Variants in ITGA4 observed in about 807,000 individuals in gnomAD.
The protein encoded by ITGA4 is integrin alpha-4.
A neutral mutation model predicts 133.6 loss-of-function variants in ITGA4; 63 were observed. The ratio of observed to expected loss-of-function variants is 0.47; its 90% CI spans 0.38 to 0.58. ITGA4 has a LOEUF of 0.58. ITGA4 is among the 20% of genes least tolerant of loss of function. ITGA4 has a pLI of 0.00. For synonymous variants in ITGA4, 483 were observed against 438.0 expected (o/e 1.10, Z -1.28); for missense variants, 1,076 against 1,252.7 (o/e 0.86, Z 2.13).
In ITGA4 at chr2:181,535,293, G is replaced by C. The variant is rs1425537614; in HGVS notation, c.3004-139G>C. Reference sequence around the variant, plus strand: ...CCACTAATTTTTACTGATTACCTCTGTTAAACCTTTATGACTGATGTTACA... The same window carrying C: ...CCACTAATTTTTACTGATTACCTCTCTTAAACCTTTATGACTGATGTTACA... On this transcript the variant is annotated intron_variant, in intron 27 of 27. Coordinates refer to ENST00000397033, the MANE Select transcript of ITGA4 (RefSeq NM_000885.6). 5 of 685,812 alleles carry C rather than the reference G, an allele frequency of 7.3e-6. No individual in the cohort carries two copies. The East Asian group carries it at 1.4e-4, about 20-fold the overall frequency. The allele number at this position is 685,812 out of a possible 1,614,324, so 42.5% of individuals were successfully genotyped here. A position where few individuals can be genotyped will look rare whatever the true frequency, so the allele number is the denominator to read the frequency against.
chr2:181,536,319 G>T lies in ITGA4; in HGVS notation c.*792G>T, dbSNP rs1473786619. 6.6e-6 allele frequency: 1 copy of T among 151,992 alleles called. No homozygotes were observed. The highest frequency in any genetic ancestry group is 2.4e-5 in the African/African-American group (1 of 41,480). The allele number at this position is 151,992 out of a possible 1,614,324, so 9.4% of individuals were successfully genotyped here. A position where few individuals can be genotyped will look rare whatever the true frequency, so the allele number is the denominator to read the frequency against. On this transcript the variant is annotated 3_prime_UTR_variant, in exon 28 of 28. Transcript: ENST00000397033. ...AACACACCTTTATCAAGCATACCCA[G>T]GAGTAATCTTCAAATCTTTTGTTAT...
At position 181,522,844 on chromosome 2, in the gene ITGA4, G is replaced by A. The variant is rs142624011; in HGVS notation, c.2073+503G>A. The stretch of plus-strand genomic sequence containing the variant: ...CTGTTACCTTCTTTCTCTAGTGTTT[G>A]CGCTACTTGCAAAAGTAACAGTGGA... On this transcript the variant is annotated intron_variant, in intron 18 of 27. Coordinates refer to ENST00000397033, the MANE Select transcript of ITGA4 (RefSeq NM_000885.6). 1.1e-4 allele frequency among the ~76,000 whole-genome samples: 16 copies of A among 152,200 alleles called. No homozygotes were observed. The East Asian group carries it at 2.9e-3, about 28-fold the overall frequency.
chr2:181,535,619 T>C lies in ITGA4; in HGVS notation c.*92T>C, dbSNP rs200219182. The C allele has an allele frequency of 6.9e-7, 1 of 1,453,138 alleles. No homozygotes were observed. Among genetic ancestry groups the C allele is most frequent in the Non-Finnish European group, 9.2e-7 (1 of 1,091,746 alleles). The allele number at this position is 1,453,138 out of a possible 1,614,324, so 90.0% of individuals were successfully genotyped here. ...TGTTTACAAGAAAAAATGAATTTTG[T>C]TTGGACTTCTTTTACTCATGATCTT... On this transcript the variant is annotated 3_prime_UTR_variant, in exon 28 of 28. Coordinates refer to ENST00000397033, the MANE Select transcript of ITGA4 (RefSeq NM_000885.6).
In ITGA4 at chr2:181,482,641, A is replaced by G. The variant is rs770276809; in HGVS notation, c.1031A>G (p.Asn344Ser). 6.2e-7 allele frequency: 1 copy of G among 1,613,456 alleles called. No individual in the cohort carries two copies. Among genetic ancestry groups the G allele is most frequent in the Non-Finnish European group, 8.5e-7 (1 of 1,179,604 alleles). ...REEGRVFVYINSGSGAVMNAM... is the reference protein window; with the variant it reads ...REEGRVFVYISSGSGAVMNAM... ...GAAGGAAGAGTGTTTGTGTACATCA[A>G]CTCTGGCTCGGTATGTCCAAGTGCC... The change falls in exon 9 of 28, where the codon AAC (asparagine) becomes AGC (serine). Residue 344 changes from asparagine (N) to serine (S), a missense_variant. This residue lies in a region of ITGA4 where 436 missense variants were observed against 590.7 expected (regional missense o/e 0.74). Transcript: ENST00000397033.
chr2:181,459,093 A>G (rs1685205465), intron 2 of ITGA4: 1 of 152,200 alleles, frequency 6.6e-6, no homozygotes, highest in African/African-American at 2.4e-5. Context: ...ACTGCTATAT[A>G]TATTGCTTAA....
At chr2:181,518,663 G>C (rs1404970367) in intron 17 of ITGA4, among the ~76,000 whole-genome samples, 1 of 151,978 alleles carries the variant, frequency 6.6e-6, no homozygotes, top group Non-Finnish European at 1.5e-5. Flanking sequence ...ACTCAACTCT[G>C]TCACTGCAGT....
At chr2:181,458,130 G>A in intron 1 of ITGA4, 66 bp from the exon 2 acceptor site, 2 of 1,606,206 alleles carry the variant, frequency 1.2e-6, no homozygotes, top group Non-Finnish European at 1.7e-6. Context: ...GCACATCTGT[G>A]GCGACAGGGA....
chr2:181,470,131 A>T (rs994736915), intron 2 of ITGA4, among the ~76,000 whole-genome samples: 18 of 152,272 alleles, frequency 1.2e-4, no homozygotes, highest in African/African-American at 3.9e-4. Context: ...CCCACTGTTG[A>T]TGGGAAAGTA....
At chr2:181,503,933 G>A (rs1686337925) in intron 15 of ITGA4, among the ~76,000 whole-genome samples, 2 of 152,032 alleles carry the variant, frequency 1.3e-5, no homozygotes, top group Non-Finnish European at 2.9e-5. Context: ...AACCCAAACT[G>A]TAACTTGAAG....
At position 181,523,434 on chromosome 2, in the gene ITGA4, T is replaced by TAGG. The variant is rs1359283229; in HGVS notation, c.2074-1_2075dup. On this transcript the variant is annotated splice_polypyrimidine_tract_variant and splice_region_variant and intron_variant, in intron 18 of 27. Coordinates refer to ENST00000397033, the MANE Select transcript of ITGA4 (RefSeq NM_000885.6). The surrounding 1 kb of genome is among the most constrained non-coding windows in gnomAD (Gnocchi z 4.2). ...AAAACAGTTGTTTCATTTTTCCCAT[T>TAGG]AGGAAGAGAAGCAAATAAACTGTGA... 6.3e-7 allele frequency: 1 copy of TAGG among 1,585,572 alleles called. No individual in the cohort carries two copies. The highest frequency in any genetic ancestry group is 8.7e-7 in the Non-Finnish European group (1 of 1,154,600).
chr2:181,535,281 C>CTGAT (rs1687038205), intron 27 of ITGA4, 151 bp from the exon 28 acceptor site: 1 of 614,328 alleles, frequency 1.6e-6, no homozygotes, highest in South Asian at 4.0e-5. Context: ...CTAATTTTTA[C>CTGAT]TGATTACCTC....
chr2:181,493,534 T>G (rs1686099445), intron 11 of ITGA4, 115 bp downstream of exon 11: 1 of 562,214 alleles, frequency 1.8e-6, no homozygotes. Flanking sequence ...ACTTAACACT[T>G]TATTTCACCG....
At chr2:181,464,776 A>G (rs1425554272) in intron 2 of ITGA4, among the ~76,000 whole-genome samples, 1 of 152,106 alleles carries the variant, frequency 6.6e-6, no homozygotes, top group Non-Finnish European at 1.5e-5. Context: ...TCAGACAGTA[A>G]CACCTGCTCC....
At position 181,511,725 on chromosome 2, in the gene ITGA4, T is replaced by C; in HGVS notation, c.1872T>C (p.His624=). 6.2e-7 allele frequency: 1 copy of C among 1,600,428 alleles called. No homozygotes were observed. Among genetic ancestry groups the C allele is most frequent in the Non-Finnish European group, 8.6e-7 (1 of 1,168,178 alleles). Residue 624 remains histidine, a synonymous_variant, in exon 17 of 28, where the codon CAT becomes CAC. Transcript: ENST00000397033. ...TAAACTTTGCAAGGTTTTGTGCCCA[T>C]GAAAATTGTTCTGCTGATTTACAGG... is the stretch of plus-strand genomic sequence containing the variant. ...KTINFARFCA[H]ENCSADLQVS...
At chr2:181,511,626 GTCA>G (rs1686507031) in intron 16 of ITGA4, 70 bp from the exon 17 acceptor site, 1 of 768,476 alleles carries the variant, frequency 1.3e-6, no homozygotes, top group Non-Finnish European at 2.2e-6. Flanking sequence ...CACAGGTGTC[GTCA>G]TCTTTAAAAT....
intron 2 of ITGA4, among the ~76,000 whole-genome samples, chr2:181,461,929 T>C (rs1366126093): frequency 2.0e-5 from 3 of 152,196 alleles, no homozygotes; most frequent in African/African-American, 4.8e-5. Context: ...ACTCATTAAT[T>C]TTTATGATAT....
chr2:181,480,163 A>T lies in ITGA4; in HGVS notation c.651A>T (p.Gly217=). ...TKDLIVMGAP[G]SSYWTGSLFV... is the part of the protein sequence containing the mutation. ...ATTTAATTGTGATGGGGGCCCCAGGATCATCTTACTGGACTGGCTCTCTTT... is the reference window on the plus strand; with the variant it reads ...ATTTAATTGTGATGGGGGCCCCAGGTTCATCTTACTGGACTGGCTCTCTTT... The change falls in exon 6 of 28, where the codon GGA becomes GGT. Residue 217 remains glycine (G), a synonymous_variant. Transcript: ENST00000397033. 1 of 1,556,186 alleles carries T rather than the reference A, an allele frequency of 6.4e-7. No homozygotes were observed.
At chr2:181,525,633 A>G (rs1291280076) in intron 21 of ITGA4, among the ~76,000 whole-genome samples, 3 of 152,208 alleles carry the variant, frequency 2.0e-5, no homozygotes, top group African/African-American at 7.2e-5. Context: ...ATCATACTTA[A>G]TGCCCATGTC....
At chr2:181,513,550 G>A (rs1272685313) in intron 17 of ITGA4, among the ~76,000 whole-genome samples, 1 of 151,922 alleles carries the variant, frequency 6.6e-6, no homozygotes, top group South Asian at 2.1e-4. Flanking sequence ...ATCCTACCTA[G>A]GTCACTAAGT....
Sources: gnomAD v4.1 joint callset for allele counts (sites outside exome capture counted in the v4.1 genomes callset) on GRCh38, gnomAD v4.1.1 for gene constraint, gnomAD v4.1.1 regional missense constraint, Gnocchi (gnomAD v3.1) non-coding constraint, MANE v1.5 for transcripts, NCBI Gene and HGNC (gene_info 2026-07-23, HGNC 2026-07-21) for gene names.